The following KLF12 variants were observed in gnomAD, a reference collection of about 807,000 sequenced individuals.
KLF12 encodes Krueppel-like factor 12.
KLF12 carries 9 observed loss-of-function variants against 37.8 expected under a neutral mutation model. The ratio of observed to expected loss-of-function variants is 0.24; its 90% confidence interval spans 0.14 to 0.42. KLF12 has a LOEUF of 0.42. Ranked by LOEUF, KLF12 falls within the 10% of genes least tolerant of loss-of-function variation. The pLI is 1.00. For missense variants in KLF12, 411 were observed against 516.0 expected (o/e 0.80, Z 1.97); for synonymous variants, 208 against 202.1 (o/e 1.03, Z -0.25).
rs528665079 is a variant in KLF12, at chr13:73,969,161, C to A, written c.34-25091G>T. Among the ~76,000 whole-genome samples, 3 of 152,194 alleles carry A rather than the reference C, an allele frequency of 2.0e-5. No homozygotes were observed. In the South Asian group the frequency reaches 6.2e-4, roughly 32 times the overall value. On this transcript the variant is annotated intron_variant, in intron 2 of 7. Coordinates refer to ENST00000377669, the MANE Select transcript of KLF12 (RefSeq NM_007249.5). ...GGAAGAATATCCAAGAAATATGAAT[C>A]CATAATTACTGACGGGCCAGAATAC... is the stretch of plus-strand genomic sequence containing the variant.
chr13:73,894,924 T>G (rs1198900270), intron 3 of KLF12, among the ~76,000 whole-genome samples: 1 of 152,238 alleles, frequency 6.6e-6, no homozygotes, highest in Non-Finnish European at 1.5e-5. Context: ...ATAGTTCTTA[T>G]TTATCAACGG....
intron 1 of KLF12, among the ~76,000 whole-genome samples, chr13:74,083,169 T>C (rs1470675664): frequency 6.6e-6 from 1 of 152,150 alleles, no homozygotes; most frequent in Non-Finnish European, 1.5e-5. Flanking sequence ...TTATCTGTCT[T>C]ATAAGGAGTA....
chr13:73,767,620 A>G (rs1417276066), intron 5 of KLF12, among the ~76,000 whole-genome samples: 1 of 152,206 alleles, frequency 6.6e-6, no homozygotes, highest in South Asian at 2.1e-4. Context: ...GGGAAGCTAT[A>G]CCATTAGGGC....
chr13:74,293,921 C>T, the KLF12 span, among the ~76,000 whole-genome samples: 1 of 152,330 alleles, frequency 6.6e-6, no homozygotes, highest in East Asian at 1.9e-4. Flanking sequence ...TCTGAATGTA[C>T]AGCCCATTTT....
chr13:74,263,015 C>T, the KLF12 span, among the ~76,000 whole-genome samples: 2 of 152,052 alleles, frequency 1.3e-5, no homozygotes, highest in Non-Finnish European at 2.9e-5. Flanking sequence ...TACCAAATGT[C>T]AGCCTCAGAG....
At chr13:73,954,040 G>A (rs9592953) in intron 2 of KLF12, among the ~76,000 whole-genome samples, 4,973 of 131,690 alleles carry the variant, frequency 0.038, 93 homozygotes, top group East Asian at 0.08. Context: ...GTGCAGTGAC[G>A]TGATCTCGGC....
chr13:74,069,316 TC>T (rs1459036669), intron 1 of KLF12, among the ~76,000 whole-genome samples: 1 of 152,058 alleles, frequency 6.6e-6, no homozygotes, highest in African/African-American at 2.4e-5. Context: ...CTGGAACAAA[TC>T]CCCCGCGAAT....
At chr13:74,250,633 G>A in the KLF12 span, among the ~76,000 whole-genome samples, 1 of 152,136 alleles carries the variant, frequency 6.6e-6, no homozygotes, top group Non-Finnish European at 1.5e-5. Flanking sequence ...GCAATTCTGT[G>A]CTACATCTGT....
intron 3 of KLF12, among the ~76,000 whole-genome samples, chr13:73,872,437 T>C (rs1462311865): frequency 6.6e-6 from 1 of 152,162 alleles, no homozygotes; most frequent in East Asian, 1.9e-4. Flanking sequence ...GATTACTAAA[T>C]CTCCTCAGTG....
chr13:74,134,836 TCGCCGCACC>T (rs1182450898), upstream of KLF12, among the ~76,000 whole-genome samples: 1 of 151,454 alleles, frequency 6.6e-6, no homozygotes, highest in Non-Finnish European at 1.5e-5. Flanking sequence ...CCCCCACCCC[TCGCCGCACC>T]CGCCCGGGTG....
chr13:74,240,251 T>A, the KLF12 span, among the ~76,000 whole-genome samples: 14 of 147,396 alleles, frequency 9.5e-5, no homozygotes, highest in Admixed American at 3.4e-4. Flanking sequence ...TTCTTTTCTT[T>A]AAGAATGTTG....
At chr13:73,848,829 C>T (rs966923095) in intron 3 of KLF12, among the ~76,000 whole-genome samples, 4 of 152,178 alleles carry the variant, frequency 2.6e-5, no homozygotes, top group Non-Finnish European at 4.4e-5. Context: ...ACAAATTACA[C>T]ATGAATTTGT....
At chr13:73,743,909 T>G (rs1878187280) in intron 6 of KLF12, among the ~76,000 whole-genome samples, 1 of 152,178 alleles carries the variant, frequency 6.6e-6, no homozygotes, top group African/African-American at 2.4e-5. Flanking sequence ...TACTAATTCC[T>G]TGAGGCAGGA....
intron 5 of KLF12, among the ~76,000 whole-genome samples, chr13:73,767,368 G>T (rs530592417): frequency 4.6e-5 from 7 of 152,310 alleles, no homozygotes; most frequent in Admixed American, 2.0e-4. Context: ...GAAGCTTGCA[G>T]GGAATGTTCA....
intron 5 of KLF12, among the ~76,000 whole-genome samples, chr13:73,783,581 C>T (rs927992075): frequency 2.0e-5 from 3 of 151,916 alleles, no homozygotes; most frequent in African/African-American, 7.3e-5. Flanking sequence ...CAAAATATCC[C>T]ACGTACCCTA....
chr13:74,115,839 C>T (rs1877268269), intron 1 of KLF12, among the ~76,000 whole-genome samples: 3 of 152,164 alleles, frequency 2.0e-5, no homozygotes, highest in South Asian at 2.1e-4. Context: ...CCTCCTCTGA[C>T]GCTTGTAAGG....
intron 2 of KLF12, among the ~76,000 whole-genome samples, chr13:73,964,046 T>G (rs1252147633): frequency 6.6e-6 from 1 of 152,182 alleles, no homozygotes; most frequent in Non-Finnish European, 1.5e-5. Context: ...ACCAGTGAAA[T>G]CAACAAATGG....
chr13:74,135,718 G>C (rs970610364), upstream of KLF12, among the ~76,000 whole-genome samples: 3 of 152,074 alleles, frequency 2.0e-5, no homozygotes, highest in Non-Finnish European at 4.4e-5. Flanking sequence ...GGCCCGGCCC[G>C]CCCCGCGTGG....
At chr13:74,253,219 A>G in the KLF12 span, among the ~76,000 whole-genome samples, 1 of 152,184 alleles carries the variant, frequency 6.6e-6, no homozygotes, top group South Asian at 2.1e-4. Flanking sequence ...AACATTTTTA[A>G]AAAGTATAGT....
Sources: allele counts gnomAD v4.1 joint callset (sites outside exome capture counted in the v4.1 genomes callset), GRCh38; gene constraint gnomAD v4.1.1; transcripts MANE v1.5; gene names NCBI Gene and HGNC (gene_info 2026-07-23, HGNC 2026-07-21).